The following LNPK variants were observed in gnomAD, a reference collection of about 807,000 sequenced individuals.
The protein encoded by LNPK is endoplasmic reticulum junction formation protein lunapark.
LNPK carries 29 observed loss-of-function variants against 55.2 expected under a neutral mutation model. The ratio of observed to expected loss-of-function variants is 0.53; its 90% CI spans 0.39 to 0.72. The LOEUF is 0.72. Among genes scored for constraint, LNPK ranks in the 30% least tolerant of loss-of-function variants. The probability of loss-of-function intolerance (pLI) is 0.00; values close to 1 mark genes in which losing one functional copy is unlikely to be tolerated. For synonymous variants in LNPK, 162 were observed against 168.2 expected (o/e 0.96, Z 0.29); for missense variants, 467 against 494.8 (o/e 0.94, Z 0.53).
chr2:175,957,295 T>C (rs572307792), intron 8 of LNPK, among the ~76,000 whole-genome samples: 8 of 151,718 alleles, frequency 5.3e-5, no homozygotes, highest in Non-Finnish European at 1.2e-4. Context: ...GAGGCAGAGG[T>C]TGCAGCAAGC....
At chr2:175,984,548 T>C (rs779377219) in intron 4 of LNPK, among the ~76,000 whole-genome samples, 8 of 152,096 alleles carry the variant, frequency 5.3e-5, no homozygotes, top group South Asian at 2.1e-4. Flanking sequence ...AATTAGAAAA[T>C]TGGACAAAAG....
rs771296748 is a variant in LNPK, at chr2:175,929,738, T to C, written c.*229A>G. The stretch of plus-strand genomic sequence containing the variant: ...AAGTATCTAAAAGCTGTCTCAATAG[T>C]GTGGGTCTTTGTACATTCAAAAGGA... On this transcript the variant is annotated 3_prime_UTR_variant, in exon 13 of 13. Transcript: ENST00000272748. 4 of 1,375,616 alleles carry C rather than the reference T, an allele frequency of 2.9e-6. No individual in the cohort carries two copies. The highest frequency in any genetic ancestry group is 3.7e-6 in the Non-Finnish European group (4 of 1,068,656). The allele number at this position is 1,375,616 out of a possible 1,614,324, so 85.2% of individuals were successfully genotyped here. A position where few individuals can be genotyped will look rare whatever the true frequency, so the allele number is the denominator to read the frequency against.
At chr2:175,941,953 G>T (rs1169814425) in intron 9 of LNPK, among the ~76,000 whole-genome samples, 2 of 151,544 alleles carry the variant, frequency 1.3e-5, no homozygotes, top group African/African-American at 4.8e-5. Context: ...TATGTTTAAA[G>T]TTCTGAAAGA....
At chr2:175,992,547 T>C (rs2885117) in intron 3 of LNPK, 129 bp from the exon 4 acceptor site, 395,609 of 524,340 alleles carry the variant, frequency 0.75, 150,866 homozygotes, top group Admixed American at 0.81. Flanking sequence ...AGCATAATAT[T>C]CTAACAGTTT....
intron 8 of LNPK, among the ~76,000 whole-genome samples, chr2:175,958,096 C>A (rs1213644559): frequency 6.6e-6 from 1 of 152,206 alleles, no homozygotes; most frequent in Admixed American, 6.5e-5. Flanking sequence ...CTCAACCAGG[C>A]CTGCCTGCCT....
In LNPK at chr2:175,924,335, C is replaced by T. The variant is rs1344733433; in HGVS notation, c.*5632G>A. 2.0e-5 allele frequency: 3 copies of T among 152,078 alleles called. No homozygotes were observed. Among genetic ancestry groups the T allele is most frequent in the Non-Finnish European group, 2.9e-5 (2 of 68,014 alleles). The allele number at this position is 152,078 out of a possible 1,614,324, so 9.4% of individuals were successfully genotyped here. On this transcript the variant is annotated 3_prime_UTR_variant, in exon 13 of 13. Coordinates refer to ENST00000272748, the MANE Select transcript of LNPK (RefSeq NM_030650.3). Reference sequence around the variant, plus strand: ...TGGCCCTTCAACTAACTGATTTGTACACAGATAATAAATCCAACAGGTAAT... The same window carrying T: ...TGGCCCTTCAACTAACTGATTTGTATACAGATAATAAATCCAACAGGTAAT...
intron 8 of LNPK, among the ~76,000 whole-genome samples, chr2:175,953,948 TC>T (rs1393596234): frequency 6.6e-6 from 1 of 152,130 alleles, no homozygotes; most frequent in Non-Finnish European, 1.5e-5. Flanking sequence ...ACCCCTACTT[TC>T]CTTTTTCAGG....
chr2:176,002,328 C>A (rs1396295048), upstream of LNPK: 1 of 422,288 alleles, frequency 2.4e-6, no homozygotes, highest in Non-Finnish European at 4.7e-6. Flanking sequence ...ATTGGCGCCG[C>A]GGTCGGCGCG....
chr2:175,961,331 G>A lies in LNPK; in HGVS notation c.493+3041C>T, dbSNP rs150012850. Among the ~76,000 whole-genome samples the A allele has an allele frequency of 5.7e-3, 865 of 152,270 alleles. 9 individuals carry two copies. Among genetic ancestry groups the A allele is most frequent in the African/African-American group, 0.02 (814 of 41,546 alleles). On this transcript the variant is annotated intron_variant, in intron 8 of 12. Transcript: ENST00000272748. ...AAATACTGGTGAACTGAATCCAGCA[G>A]CACATCAAAAAGCTTATGCATGATG...
chr2:175,994,883 TAC>T (rs1687859817), intron 2 of LNPK, among the ~76,000 whole-genome samples: 1 of 150,982 alleles, frequency 6.6e-6, no homozygotes, highest in South Asian at 2.1e-4. Context: ...AGTAAAAAGA[TAC>T]AGTCTGTAAA....
At chr2:175,939,859 C>T in intron 9 of LNPK, 1 of 431,536 alleles carries the variant, frequency 2.3e-6, no homozygotes, top group East Asian at 3.7e-5. Flanking sequence ...TAAATATGTG[C>T]TATATTAGAA....
chr2:175,938,223 TATAAA>T (rs1460120145), intron 11 of LNPK, 85 bp downstream of exon 11: 2 of 773,652 alleles, frequency 2.6e-6, no homozygotes, highest in Admixed American at 2.1e-5. Context: ...AAAGAGAGTA[TATAAA>T]ATAAAATGAC....
chr2:175,959,733 G>A (rs1238230682), intron 8 of LNPK, among the ~76,000 whole-genome samples: 1 of 152,046 alleles, frequency 6.6e-6, no homozygotes, highest in East Asian at 1.9e-4. Context: ...AATGTAAATG[G>A]GCTAAATGCC....
chr2:175,933,033 C>A (rs190989273), intron 12 of LNPK, among the ~76,000 whole-genome samples: 1 of 151,986 alleles, frequency 6.6e-6, no homozygotes, highest in African/African-American at 2.4e-5. Flanking sequence ...ATTTTAAAAT[C>A]GACTCTGGCA....
chr2:175,937,524 A>G lies in LNPK; in HGVS notation c.884-10T>C, dbSNP rs568599024. ...TAGGCACATCGAAAAGCTGCAGAGAATTTTTTAAAAATAAGCAAAACCACA... is the reference window on the plus strand; with the variant it reads ...TAGGCACATCGAAAAGCTGCAGAGAGTTTTTTAAAAATAAGCAAAACCACA... On this transcript the variant is annotated splice_polypyrimidine_tract_variant and intron_variant, in intron 11 of 12. Coordinates refer to ENST00000272748, the MANE Select transcript of LNPK (RefSeq NM_030650.3). The G allele has an allele frequency of 3.6e-5, 58 of 1,601,078 alleles. No individual in the cohort carries two copies. In the South Asian group the frequency reaches 5.6e-4, roughly 16 times the overall value.
intron 12 of LNPK, 24 bp downstream of exon 12, chr2:175,937,320 C>T (rs1438110393): frequency 5.0e-6 from 8 of 1,600,872 alleles, no homozygotes; most frequent in South Asian, 4.5e-5. Flanking sequence ...TATTAAGGGG[C>T]AAAACTGTTT....
At chr2:175,956,638 A>G (rs1685708835) in intron 8 of LNPK, among the ~76,000 whole-genome samples, 1 of 152,216 alleles carries the variant, frequency 6.6e-6, no homozygotes, top group Non-Finnish European at 1.5e-5. Context: ...CTGAAGAACC[A>G]TAAAACACAG....
Position 175,957,448 on chromosome 2 carries a change from TCA to T in LNPK, c.493+6922_493+6923del, listed in dbSNP as rs2105599141. On this transcript the variant is annotated intron_variant, in intron 8 of 12. Transcript: ENST00000272748. ...TTTCCTCATTGCTAAAGATGAGCTA[TCA>T]CACACTTGTCAAAAGCCGACTTCTC... is the stretch of plus-strand genomic sequence containing the variant. 2.0e-5 allele frequency among the ~76,000 whole-genome samples: 3 copies of T among 151,958 alleles called. No individual in the cohort carries two copies. In the East Asian group the frequency reaches 5.8e-4, roughly 29 times the overall value.
At chr2:175,973,575 A>C (rs535797537) in intron 5 of LNPK, among the ~76,000 whole-genome samples, 3 of 152,328 alleles carry the variant, frequency 2.0e-5, no homozygotes, top group East Asian at 1.9e-4. Flanking sequence ...GTTACAGTAC[A>C]TCTTAGCAGA....
Sources: allele counts gnomAD v4.1 joint callset (sites outside exome capture counted in the v4.1 genomes callset), GRCh38; gene constraint gnomAD v4.1.1; transcripts MANE v1.5; gene names NCBI Gene and HGNC (gene_info 2026-07-23, HGNC 2026-07-21).